Variants in DDX10 observed in about 807,000 individuals in gnomAD.
The protein encoded by DDX10 is probable ATP-dependent RNA helicase DDX10.
A neutral mutation model predicts 104.3 loss-of-function variants in DDX10; 74 were observed. The ratio of observed to expected loss-of-function variants is 0.71; its 90% CI spans 0.59 to 0.86. DDX10 has a LOEUF of 0.86. DDX10 is among the 40% of genes least tolerant of loss of function. The pLI is 0.00. For synonymous variants in DDX10, 351 were observed against 353.4 expected, an observed-to-expected ratio of 0.99 and a Z score of 0.08; for missense variants, 952 against 1,040.0, an observed-to-expected ratio of 0.92 and a Z score of 1.16.
chr11:108,719,652 G>A (rs747079640), intron 11 of DDX10, 145 bp from the exon 12 acceptor site: 23 of 514,944 alleles, frequency 4.5e-5, no homozygotes, highest in Non-Finnish European at 7.5e-5. Context: ...AGGTTTTCAT[G>A]TGTGCATGGA....
intron 16 of DDX10, among the ~76,000 whole-genome samples, chr11:108,875,047 A>G (rs1863133588): frequency 6.6e-6 from 1 of 152,184 alleles, no homozygotes; most frequent in Non-Finnish European, 1.5e-5. Context: ...TACCACAGCT[A>G]AAGTTAAACA....
At chr11:108,675,067 A>G (rs2094222286) in intron 2 of DDX10, among the ~76,000 whole-genome samples, 1 of 150,394 alleles carries the variant, frequency 6.6e-6, no homozygotes, top group Non-Finnish European at 1.5e-5. Context: ...TTTCCTTTTT[A>G]AAGGCTGAGT....
intron 17 of DDX10, among the ~76,000 whole-genome samples, chr11:108,937,190 C>T (rs547677794): frequency 4.6e-5 from 7 of 152,108 alleles, no homozygotes; most frequent in Non-Finnish European, 7.4e-5. Flanking sequence ...GCCGATCTCG[C>T]GAGTGAGGGC....
chr11:108,788,606 C>A (rs138965713), intron 13 of DDX10, among the ~76,000 whole-genome samples: 1 of 152,276 alleles, frequency 6.6e-6, no homozygotes, highest in African/African-American at 2.4e-5. Flanking sequence ...CAGGTGATCC[C>A]CCCACCTTGG....
chr11:108,819,871 A>T (rs1004557967), intron 13 of DDX10, among the ~76,000 whole-genome samples: 4 of 152,248 alleles, frequency 2.6e-5, no homozygotes, highest in African/African-American at 7.2e-5. Context: ...AGTGCTGGAG[A>T]TTACAGGCAT....
At chr11:108,884,127 A>G (rs1217468025) in intron 16 of DDX10, among the ~76,000 whole-genome samples, 2 of 152,184 alleles carry the variant, frequency 1.3e-5, no homozygotes, top group African/African-American at 2.4e-5. Context: ...TTAACTGCCT[A>G]CTTAATATTT....
At chr11:108,853,541 T>C (rs1862823771) in intron 16 of DDX10, among the ~76,000 whole-genome samples, 1 of 152,164 alleles carries the variant, frequency 6.6e-6, no homozygotes, top group South Asian at 2.1e-4. Context: ...ATGCTCGATT[T>C]TTTTTTTTCA....
intron 16 of DDX10, among the ~76,000 whole-genome samples, chr11:108,915,413 C>T (rs1863733625): frequency 6.6e-6 from 1 of 150,444 alleles, no homozygotes; most frequent in Admixed American, 6.6e-5. Flanking sequence ...CCAACAGCTT[C>T]CCAATACTAA....
intron 15 of DDX10, among the ~76,000 whole-genome samples, chr11:108,845,575 G>A (rs1271957735): frequency 1.3e-5 from 2 of 152,132 alleles, no homozygotes; most frequent in Non-Finnish European, 2.9e-5. Context: ...TCTAGGGGAA[G>A]CTTTACTTCA....
chr11:108,714,247 A>C (rs2094288420), intron 10 of DDX10, among the ~76,000 whole-genome samples: 1 of 152,088 alleles, frequency 6.6e-6, no homozygotes, highest in South Asian at 2.1e-4. Context: ...TTGAGGCTCC[A>C]GCAGGTTTTA....
intron 9 of DDX10, among the ~76,000 whole-genome samples, chr11:108,706,103 C>T (rs556002759): frequency 6.6e-6 from 1 of 152,042 alleles, no homozygotes; most frequent in African/African-American, 2.4e-5. Flanking sequence ...TCCCTAGTAG[C>T]TGAGATTACA....
At chr11:108,714,996 G>A (rs1362375068) in intron 10 of DDX10, among the ~76,000 whole-genome samples, 1 of 129,120 alleles carries the variant, frequency 7.7e-6, no homozygotes, top group Non-Finnish European at 1.7e-5. Context: ...CAGAAACAAC[G>A]TGGTTCAGCC....
intron 16 of DDX10, among the ~76,000 whole-genome samples, chr11:108,856,152 G>A (rs926754934): frequency 6.6e-6 from 1 of 152,004 alleles, no homozygotes; most frequent in African/African-American, 2.4e-5. Flanking sequence ...ACTCTAGGCC[G>A]GGCATGGTGG....
chr11:108,744,418 AAAC>A (rs2094328932), intron 13 of DDX10, among the ~76,000 whole-genome samples: 1 of 152,174 alleles, frequency 6.6e-6, no homozygotes, highest in Admixed American at 6.5e-5. Flanking sequence ...AAAAAACAAA[AAAC>A]AACAATCCAC....
intron 16 of DDX10, among the ~76,000 whole-genome samples, chr11:108,901,998 A>G (rs981695821): frequency 6.6e-6 from 1 of 152,240 alleles, no homozygotes; most frequent in Admixed American, 6.5e-5. Flanking sequence ...CAGAATAATG[A>G]AAGGACTGTA....
At chr11:108,863,408 A>C (rs1398607556) in intron 16 of DDX10, among the ~76,000 whole-genome samples, 1 of 152,222 alleles carries the variant, frequency 6.6e-6, no homozygotes, top group Non-Finnish European at 1.5e-5. Flanking sequence ...GTTAGAATTA[A>C]GTGCAGTTGT....
chr11:108,897,507 T>A (rs188348707), intron 16 of DDX10, among the ~76,000 whole-genome samples: 14 of 152,272 alleles, frequency 9.2e-5, no homozygotes. Context: ...AGGATTTACG[T>A]CTCCAAGGGA....
chr11:108,667,628 A>G (rs1340200069), intron 1 of DDX10, among the ~76,000 whole-genome samples: 1 of 152,216 alleles, frequency 6.6e-6, no homozygotes, highest in Non-Finnish European at 1.5e-5. Flanking sequence ...TGTATACACC[A>G]AGTGGTACAT....
At chr11:108,905,337 G>C (rs920126927) in intron 16 of DDX10, among the ~76,000 whole-genome samples, 2 of 144,860 alleles carry the variant, frequency 1.4e-5, no homozygotes, top group Non-Finnish European at 3.0e-5. Flanking sequence ...GAAATCCTGT[G>C]ATCCAGTCCC....
Sources: gnomAD v4.1 joint callset for allele counts (sites outside exome capture counted in the v4.1 genomes callset) on GRCh38, gnomAD v4.1.1 for gene constraint, MANE v1.5 for transcripts, NCBI Gene and HGNC (gene_info 2026-07-23, HGNC 2026-07-21) for gene names.